The following DDX25 variants were observed in gnomAD, a reference collection of about 807,000 sequenced individuals.
DDX25 encodes ATP-dependent RNA helicase DDX25.
Under a neutral mutation model 64.6 loss-of-function variants are expected in DDX25, and 70 were observed. The ratio of observed to expected loss-of-function variants is 1.08; its 90% CI spans 0.89 to 1.32. DDX25 has a LOEUF of 1.32. Among genes scored for constraint, DDX25 ranks in the 40% most tolerant of loss-of-function variants. The probability of loss-of-function intolerance (pLI) is 0.00; values close to 1 mark genes in which losing one functional copy is unlikely to be tolerated. For missense variants in DDX25, 587 were observed against 604.4 expected (o/e 0.97, Z 0.30); for synonymous variants, 211 against 213.3 (o/e 0.99, Z 0.09).
Position 125,905,260 on chromosome 11 carries a change from AC to A in DDX25, c.113del (p.Thr38MetfsTer6). The part of the protein sequence containing the change: ...PRKNLWGIKS[T>X]AVRNIDGSIN... The stretch of plus-strand genomic sequence containing the variant: ...GAAGAACCTTTGGGGTATTAAGAGT[AC>A]TGCAGTCCGAAACATAGGTGAGTGC... On this transcript the variant is annotated frameshift_variant, in exon 2 of 12. Transcript: ENST00000263576. LOFTEE classifies it high-confidence loss of function. The A allele has an allele frequency of 6.4e-7, 1 of 1,551,704 alleles. No homozygotes were observed.
At chr11:125,918,842 A>G in intron 10 of DDX25, 52 bp downstream of exon 10, 1 of 1,516,138 alleles carries the variant, frequency 6.6e-7, no homozygotes, top group Non-Finnish European at 8.9e-7. Context: ...GATAAAATGC[A>G]TTCCTTTTAA....
At position 125,925,972 on chromosome 11, in the gene DDX25, G is replaced by A. The variant is rs1372823085; in HGVS notation, c.*3091G>A. 2.0e-5 allele frequency: 3 copies of A among 153,612 alleles called. No individual in the cohort carries two copies. The highest frequency in any genetic ancestry group is 6.5e-5 in the Admixed American group (1 of 15,460). 9.5% of individuals were successfully genotyped at this position (153,612 alleles called of 1,614,324 possible). A position where few individuals can be genotyped will look rare whatever the true frequency, so the allele number is the denominator to read the frequency against. On this transcript the variant is annotated 3_prime_UTR_variant, in exon 12 of 12. Coordinates refer to ENST00000263576, the MANE Select transcript of DDX25 (RefSeq NM_013264.5). ...TGACCAACAGTGGAAAATCTTAGAG[G>A]AGTGATGGGGGTGGTGGGTGGTGGG...
intron 4 of DDX25, 57 bp downstream of exon 4, chr11:125,906,266 C>T: frequency 1.4e-6 from 2 of 1,480,842 alleles, no homozygotes; most frequent in Non-Finnish European, 8.9e-7. Flanking sequence ...AGAACAAACG[C>T]ATCTGCTTAT....
intron 1 of DDX25, 41 bp from the exon 2 acceptor site, chr11:125,905,171 C>T: frequency 6.5e-7 from 1 of 1,542,410 alleles, no homozygotes; most frequent in Non-Finnish European, 8.8e-7. Flanking sequence ...TGCTTGAGGG[C>T]TTGCATCCTA....
rs1169910828 is a variant in DDX25 at position 125,905,242 on chromosome 11, C to T, written c.94C>T (p.Leu32Phe). 4 of 1,551,638 alleles carry T rather than the reference C, an allele frequency of 2.6e-6. No individual in the cohort carries two copies. Among genetic ancestry groups the T allele is most frequent in the East Asian group, 2.4e-5 (1 of 40,926 alleles). The change falls in exon 2 of 12, where the codon CTT becomes TTT. Residue 32 changes from leucine to phenylalanine, a missense_variant. Physicochemically the swap from Leu to Phe is conservative, Grantham distance 22 (BLOSUM62 0). Transcript: ENST00000263576. ...FSNLSQPRKNLWGIKSTAVRN... is the reference protein window; with the variant it reads ...FSNLSQPRKNFWGIKSTAVRN... Reference sequence around the variant, plus strand: ...AAACCTCAGCCAACCCCGGAAGAACCTTTGGGGTATTAAGAGTACTGCAGT... The same window carrying T: ...AAACCTCAGCCAACCCCGGAAGAACTTTTGGGGTATTAAGAGTACTGCAGT...
chr11:125,909,946 C>G (rs1944944986), intron 6 of DDX25, among the ~76,000 whole-genome samples: 1 of 152,132 alleles, frequency 6.6e-6, no homozygotes, highest in Non-Finnish European at 1.5e-5. Context: ...GCCACCGTGC[C>G]CAACCTCAAA....
chr11:125,905,555 G>A lies in DDX25; in HGVS notation c.133G>A (p.Gly45Ser). ...IKSTAVRNID[G>S]SINNINEDDE... is the part of the protein sequence containing the mutation. ...TGTTTCTCTTCCATCCTTTCCAGATGGTTCTATTAATAACATCAATGAAGA... is the reference window on the plus strand; with the variant it reads ...TGTTTCTCTTCCATCCTTTCCAGATAGTTCTATTAATAACATCAATGAAGA... Residue 45 changes from glycine (G) to serine (S), a missense_variant and splice_region_variant, in exon 3 of 12, where the codon GGT (glycine) becomes AGT (serine). Gly to Ser is a moderately conservative substitution (Grantham distance 56). Transcript: ENST00000263576. 6.4e-7 allele frequency: 1 copy of A among 1,551,484 alleles called. No individual in the cohort carries two copies. Among genetic ancestry groups the A allele is most frequent in the Non-Finnish European group, 8.7e-7 (1 of 1,146,770 alleles).
At position 125,908,258 on chromosome 11, in the gene DDX25, A is replaced by C. The variant is rs757639028; in HGVS notation, c.374A>C (p.Glu125Ala). The C allele has an allele frequency of 6.2e-7, 1 of 1,613,784 alleles. No homozygotes were observed. Among genetic ancestry groups the C allele is most frequent in the South Asian group, 1.1e-5 (1 of 91,020 alleles). Residue 125 changes from glutamate to alanine, a missense_variant, in exon 5 of 12, where the codon GAG becomes GCG. Transcript: ENST00000263576. ...TTTAATAGGCCATCTAAAATCCAAG[A>C]GATGGCTCTCCCTATGATGCTGGCA... is the stretch of plus-strand genomic sequence containing the variant. ...MGFNRPSKIQ[E>A]MALPMMLAHP...
Position 125,925,743 on chromosome 11 carries a change from G to A in DDX25, c.*2862G>A, listed in dbSNP as rs1030182380. 1.9e-5 allele frequency: 5 copies of A among 257,682 alleles called. No individual in the cohort carries two copies. Among genetic ancestry groups the A allele is most frequent in the South Asian group, 3.9e-5 (1 of 25,472 alleles). 16.0% of individuals were successfully genotyped at this position (257,682 alleles called of 1,614,324 possible). ...TTTCCAGTGGGTAAGTGAACACCTC[G>A]CATGGAACACGGCTGCTATGATGTT... On this transcript the variant is annotated 3_prime_UTR_variant, in exon 12 of 12. Transcript: ENST00000263576.
intron 8 of DDX25, among the ~76,000 whole-genome samples, chr11:125,912,200 G>A (rs1360707627): frequency 6.6e-6 from 1 of 152,130 alleles, no homozygotes; most frequent in Non-Finnish European, 1.5e-5. Flanking sequence ...TCATACTGCT[G>A]TTTCCTGATG....
In DDX25 at chr11:125,917,201, T is replaced by A; in HGVS notation, c.988T>A (p.Cys330Ser). 5 of 1,610,760 alleles carry A rather than the reference T, an allele frequency of 3.1e-6. No individual in the cohort carries two copies. Among genetic ancestry groups the A allele is most frequent in the Non-Finnish European group, 4.2e-6 (5 of 1,178,732 alleles). ...CAGGAAAGACAAATACCAAGCTCTG[T>A]GCAACATTTATGGCAGCATCACCAT... is the stretch of plus-strand genomic sequence containing the variant. The part of the protein sequence containing the change: ...EHRKDKYQAL[C>S]NIYGSITIGQ... The change falls in exon 9 of 12, where the codon TGC becomes AGC. Residue 330 changes from cysteine (C) to serine (S), a missense_variant. Coordinates refer to ENST00000263576, the MANE Select transcript of DDX25 (RefSeq NM_013264.5).
At chr11:125,904,815 C>T in intron 1 of DDX25, 1 of 586,686 alleles carries the variant, frequency 1.7e-6, no homozygotes, top group Admixed American at 3.2e-5. Context: ...CCTGGAAATC[C>T]AGGGTGGGAA....
In DDX25 at chr11:125,917,108, G is replaced by A. The variant is rs1436291646; in HGVS notation, c.895G>A (p.Val299Ile). The A allele has an allele frequency of 8.7e-6, 14 of 1,610,534 alleles. No homozygotes were observed. The highest frequency in any genetic ancestry group is 1.1e-5 in the South Asian group (1 of 89,754). ...TGAGCGAATCATCCCTGACCCTAAT[G>A]TTATCAAGTTACGCAAAGAGGAGCT... ...FAERIIPDPN[V>I]IKLRKEELTL... Residue 299 changes from valine (V) to isoleucine (I), a missense_variant, in exon 9 of 12, where the codon GTT (valine) becomes ATT (isoleucine). Physicochemically the swap from Val to Ile is conservative, Grantham distance 29. Transcript: ENST00000263576.
At chr11:125,903,808 C>A (rs572302209), upstream of DDX25, among the ~76,000 whole-genome samples, 1 of 152,136 alleles carries the variant, frequency 6.6e-6, no homozygotes, top group South Asian at 2.1e-4. Context: ...GTCATTAAAT[C>A]ATTAGTACCA....
At chr11:125,905,426 C>T (rs1331754151) in intron 2 of DDX25, 127 bp from the exon 3 acceptor site, 8 of 1,330,126 alleles carry the variant, frequency 6.0e-6, no homozygotes. Flanking sequence ...TTCGTCCATT[C>T]CTCCATGAAA....
At chr11:125,920,921 C>CAG in intron 10 of DDX25, 1 of 67,238 alleles carries the variant, frequency 1.5e-5, no homozygotes, top group Non-Finnish European at 3.4e-5. Flanking sequence ...CACACACATA[C>CAG]ACACACACAC....
chr11:125,907,171 C>T (rs1161514820), intron 4 of DDX25, among the ~76,000 whole-genome samples: 2 of 152,202 alleles, frequency 1.3e-5, no homozygotes, highest in African/African-American at 2.4e-5. Context: ...GAGAAAAGCA[C>T]TGAAACCTAC....
chr11:125,913,251 A>G (rs1944990173), intron 8 of DDX25, among the ~76,000 whole-genome samples: 1 of 151,624 alleles, frequency 6.6e-6, no homozygotes, highest in Non-Finnish European at 1.5e-5. Flanking sequence ...TCTGCTGTAC[A>G]GCTGTCATCA....
In DDX25 at chr11:125,910,465, T is replaced by G; in HGVS notation, c.609T>G (p.Ile203Met). ...FCVDVQVMYA[I>M]RGNRIPRGTD... ...TGGATGTTCAAGTGATGTATGCCAT[T>G]CGAGGGAATCGAAGTATGTACCAGT... is the stretch of plus-strand genomic sequence containing the variant. Residue 203 changes from isoleucine to methionine, a missense_variant, in exon 7 of 12, where the codon ATT (isoleucine) becomes ATG (methionine). Transcript: ENST00000263576. 6.2e-7 allele frequency: 1 copy of G among 1,613,992 alleles called. No individual in the cohort carries two copies. Among genetic ancestry groups the G allele is most frequent in the Non-Finnish European group, 8.5e-7 (1 of 1,179,866 alleles).
Sources: allele counts gnomAD v4.1 joint callset (sites outside exome capture counted in the v4.1 genomes callset), GRCh38; gene constraint gnomAD v4.1.1; transcripts MANE v1.5; gene names NCBI Gene and HGNC (gene_info 2026-07-23, HGNC 2026-07-21).